ZNF273: variants seen among roughly 807,000 people sequenced by gnomAD.
The protein encoded by ZNF273 is zinc finger protein 9.
A neutral mutation model predicts 14.9 loss-of-function variants in ZNF273; 11 were observed. That is an observed-to-expected ratio of 0.74 (90% CI 0.46 to 1.22). The LOEUF is 1.22. Ranked by LOEUF, ZNF273 falls within the 50% of genes most tolerant of loss-of-function variation. The pLI is 0.00. For missense variants in ZNF273, 577 were observed against 660.6 expected, an observed-to-expected ratio of 0.87 and a Z score of 1.39; for synonymous variants, 199 against 223.9, an observed-to-expected ratio of 0.89 and a Z score of 0.99.
intron 2 of ZNF273, 35 bp downstream of exon 2, chr7:64,917,742 C>T: frequency 1.3e-6 from 2 of 1,533,764 alleles, no homozygotes; most frequent in Non-Finnish European, 1.8e-6. Context: ...TTAAAGGTTT[C>T]ACTTCTCCTT....
At chr7:64,933,820 T>C (rs1284127505), downstream of ZNF273, among the ~76,000 whole-genome samples, 1 of 152,230 alleles carries the variant, frequency 6.6e-6, no homozygotes, top group Non-Finnish European at 1.5e-5. Context: ...ATATACAATG[T>C]CAAATGCTTA....
intron 1 of ZNF273, among the ~76,000 whole-genome samples, chr7:64,913,263 T>C (rs1224567254): frequency 6.6e-6 from 1 of 152,174 alleles, no homozygotes; most frequent in African/African-American, 2.4e-5. Context: ...CATCTGTCTA[T>C]ATTTTGTTTT....
At chr7:64,900,128 T>TG (rs1792604444), upstream of ZNF273, among the ~76,000 whole-genome samples, 4 of 152,002 alleles carry the variant, frequency 2.6e-5, no homozygotes, top group South Asian at 2.1e-4. Context: ...CTTTTTTTTT[T>TG]TTTGTTTGTT....
chr7:64,911,070 A>G (rs1344895239), intron 1 of ZNF273, among the ~76,000 whole-genome samples: 1 of 151,986 alleles, frequency 6.6e-6, no homozygotes. Flanking sequence ...GCACTGGGCT[A>G]AAGTGTGTAC....
At position 64,929,711 on chromosome 7, in the gene ZNF273, C is replaced by G. The variant is rs768652490; in HGVS notation, c.*673C>G. On this transcript the variant is annotated 3_prime_UTR_variant, in exon 4 of 4. Transcript: ENST00000476120. Reference sequence around the variant, plus strand: ...ATCCAAAACAAAAGTTGGTAGATAACTAATAGTGAACAAGTTTTTGGCAGA... The same window carrying G: ...ATCCAAAACAAAAGTTGGTAGATAAGTAATAGTGAACAAGTTTTTGGCAGA... The G allele has an allele frequency of 6.6e-6, 1 of 152,010 alleles. No homozygotes were observed. Among genetic ancestry groups the G allele is most frequent in the Admixed American group, 6.6e-5 (1 of 15,244 alleles). 9.4% of individuals were successfully genotyped at this position (152,010 alleles called of 1,614,324 possible).
upstream of ZNF273, chr7:64,903,252 C>A: frequency 1.5e-6 from 2 of 1,360,312 alleles, no homozygotes; most frequent in Non-Finnish European, 2.1e-6. Flanking sequence ...AGGACGGCTT[C>A]CGGGATTTGG....
At chr7:64,884,917 C>T (rs979734958) in intron 1 of ZNF273, among the ~76,000 whole-genome samples, 2 of 152,244 alleles carry the variant, frequency 1.3e-5, no homozygotes, top group African/African-American at 2.4e-5. Context: ...TAGACTAGGC[C>T]GGCTCTGCCT....
upstream of ZNF273, chr7:64,903,128 G>A: frequency 1.9e-6 from 1 of 514,098 alleles, no homozygotes; most frequent in Non-Finnish European, 3.5e-6. Flanking sequence ...TTTCAGCCCA[G>A]CAACTGAGCA....
downstream of ZNF273, among the ~76,000 whole-genome samples, chr7:64,931,746 A>G (rs1405008): frequency 0.11 from 16,696 of 152,166 alleles, 1,010 homozygotes; most frequent in East Asian, 0.22. Flanking sequence ...ACAGTGCTTG[A>G]TCTATAACAG....
chr7:64,927,628 G>T (rs1183450563), intron 3 of ZNF273, 26 bp from the exon 4 acceptor site: 1 of 1,530,552 alleles, frequency 6.5e-7, no homozygotes, highest in African/African-American at 1.4e-5. Flanking sequence ...AGTAAGTGGG[G>T]TAATTGTTAC....
At chr7:64,911,727 A>G (rs1793530139) in intron 1 of ZNF273, among the ~76,000 whole-genome samples, 1 of 151,420 alleles carries the variant, frequency 6.6e-6, no homozygotes, top group African/African-American at 2.4e-5. Context: ...TTATGTCTAA[A>G]TCTCCTTCAG....
chr7:64,885,954 C>G (rs1307241200), intron 1 of ZNF273, among the ~76,000 whole-genome samples: 1 of 152,214 alleles, frequency 6.6e-6, no homozygotes, highest in Non-Finnish European at 1.5e-5. Flanking sequence ...ACAAATCACT[C>G]TGGCTTACCA....
chr7:64,912,826 G>GTTTTTTGTTGTTGTTGTTTTT lies in ZNF273; in HGVS notation c.103-4749_103-4748insGTTGTTGTTGTTTTTTTTTTT. On this transcript the variant is annotated intron_variant, in intron 1 of 3. Transcript: ENST00000476120. ...TCTTTTTGACTCAGGATTCATTTTAGTTTTTTTTTTTTTTTTTTTTGAGAT... is the reference window on the plus strand; with the variant it reads ...TCTTTTTGACTCAGGATTCATTTTAGTTTTTTGTTGTTGTTGTTTTTTTTTTTTTTTTTTTTTTTTTGAGAT... 1.6e-3 allele frequency among the ~76,000 whole-genome samples: 57 copies of GTTTTTTGTTGTTGTTGTTTTT among 36,574 alleles called. 5 individuals are homozygous for GTTTTTTGTTGTTGTTGTTTTT. The highest frequency in any genetic ancestry group is 2.9e-3 in the African/African-American group (36 of 12,220). The allele number at this position is 36,574 out of a possible 152,430, so 24.0% of individuals were successfully genotyped here.
downstream of ZNF273, among the ~76,000 whole-genome samples, chr7:64,893,057 A>G (rs1161851144): frequency 6.6e-6 from 1 of 152,096 alleles, no homozygotes; most frequent in Non-Finnish European, 1.5e-5. Context: ...CCAAGCTTCC[A>G]GCTTGCTTAT....
chr7:64,895,096 C>T (rs891685451), intron 3 of ZNF273, among the ~76,000 whole-genome samples: 2 of 151,950 alleles, frequency 1.3e-5, no homozygotes, highest in African/African-American at 4.8e-5. Context: ...CTAATCGTGC[C>T]GCTGCACTCC....
At chr7:64,916,846 G>T (rs1794036199) in intron 1 of ZNF273, among the ~76,000 whole-genome samples, 1 of 151,298 alleles carries the variant, frequency 6.6e-6, no homozygotes, top group Non-Finnish European at 1.5e-5. Flanking sequence ...TAAAATAAAA[G>T]AGCTCTCTGA....
downstream of ZNF273, chr7:64,890,217 T>TGAGAGAGAGAGAGAGAGAGAGA (rs768884417): frequency 1.0e-4 from 2 of 19,910 alleles, no homozygotes; most frequent in Non-Finnish European, 2.9e-4. Flanking sequence ...TGTGTGTGTG[T>TGAGAGAGAGAGAGAGAGAGAGA]GTGTGAGAGA....
chr7:64,928,845 G>T lies in ZNF273; in HGVS notation c.1517G>T (p.Arg506Ile), dbSNP rs555189437. The T allele has an allele frequency of 1.2e-6, 2 of 1,613,252 alleles. No homozygotes were observed. Among genetic ancestry groups the T allele is most frequent in the Non-Finnish European group, 1.7e-6 (2 of 1,179,744 alleles). ...NWSSTLTKHKRIHTGEKPYKC... is the reference protein window; with the variant it reads ...NWSSTLTKHKIIHTGEKPYKC... ...TCCTCAACTCTTACTAAACATAAGA[G>T]AATTCATACTGGAGAGAAGCCCTAC... Residue 506 changes from arginine (R) to isoleucine (I), a missense_variant, in exon 4 of 4, where the codon AGA becomes ATA. Arg to Ile is a moderately conservative substitution (Grantham distance 97). This residue lies in a region of ZNF273 where 411 missense variants were observed against 440.4 expected (regional missense o/e 0.93). Transcript: ENST00000476120.
At chr7:64,888,476 C>T in intron 1 of ZNF273, 1 of 985,854 alleles carries the variant, frequency 1.0e-6, no homozygotes, top group Middle Eastern at 5.2e-4. Flanking sequence ...GTGGCTTCCT[C>T]CTCTGTCAAA....
Sources: allele counts gnomAD v4.1 joint callset (sites outside exome capture counted in the v4.1 genomes callset), GRCh38; gene constraint gnomAD v4.1.1; regional missense constraint gnomAD v4.1.1; transcripts MANE v1.5; gene names NCBI Gene and HGNC (gene_info 2026-07-23, HGNC 2026-07-21).